Variants in CNOT10 observed in about 807,000 individuals in gnomAD.
CNOT10 encodes CCR4-NOT transcription complex subunit 10, also known as CCR4-NOT transcription complex, subunit 10.
A neutral mutation model predicts 94.6 loss-of-function variants in CNOT10; 30 were observed. The observed-to-expected ratio is 0.32, with a 90% confidence interval of 0.24 to 0.43. CNOT10 has a LOEUF of 0.43. Ranked by LOEUF, CNOT10 falls within the 20% of genes least tolerant of loss-of-function variation. The probability of loss-of-function intolerance (pLI) is 1.00; values close to 1 mark genes in which losing one functional copy is unlikely to be tolerated. For missense variants in CNOT10, 759 were observed against 877.2 expected, an observed-to-expected ratio of 0.87 and a Z score of 1.70; for synonymous variants, 289 against 301.6, an observed-to-expected ratio of 0.96 and a Z score of 0.43.
chr3:32,727,905 C>A, intron 10 of CNOT10, 35 bp downstream of exon 10: 3 of 1,434,190 alleles, frequency 2.1e-6, no homozygotes, highest in Non-Finnish European at 2.9e-6. Flanking sequence ...TAAACCCTGT[C>A]TTCTCCCCAC....
chr3:32,763,536 C>T (rs993251792), intron 15 of CNOT10, among the ~76,000 whole-genome samples: 4 of 151,912 alleles, frequency 2.6e-5, no homozygotes, highest in Admixed American at 2.0e-4. Context: ...TGTAATCTCA[C>T]CTACTCAGGA....
At chr3:32,741,768 C>CAAAAAAAAAAAAAAAAAAAAAAAAA (rs529423159) in intron 13 of CNOT10, among the ~76,000 whole-genome samples, 3 of 86,540 alleles carry the variant, frequency 3.5e-5, no homozygotes, top group East Asian at 3.9e-4. Context: ...GACTCCGTCT[C>CAAAAAAAAAAAAAAAAAAAAAAAAA]AAAAAAAAAA....
At chr3:32,714,390 A>G (rs867844538) in intron 5 of CNOT10, among the ~76,000 whole-genome samples, 8 of 151,102 alleles carry the variant, frequency 5.3e-5, no homozygotes, top group African/African-American at 1.9e-4. Flanking sequence ...GGAAAATTTC[A>G]TCATTAAAGT....
intron 8 of CNOT10, among the ~76,000 whole-genome samples, chr3:32,721,801 C>T (rs1186565459): frequency 2.0e-5 from 3 of 151,670 alleles, no homozygotes; most frequent in South Asian, 2.1e-4. Context: ...CGTCTGCCAC[C>T]GCGCCCGGCT....
intron 13 of CNOT10, among the ~76,000 whole-genome samples, chr3:32,738,746 G>C (rs1160882845): frequency 6.6e-6 from 1 of 152,104 alleles, no homozygotes; most frequent in Non-Finnish European, 1.5e-5. Flanking sequence ...ACAGGCGTGA[G>C]CCACAGCATC....
chr3:32,692,574 C>T (rs187309041), intron 1 of CNOT10, among the ~76,000 whole-genome samples: 268 of 152,256 alleles, frequency 1.8e-3, no homozygotes, highest in Non-Finnish European at 3.4e-3. Flanking sequence ...GAGGTGCTGA[C>T]AGGAACATCT....
chr3:32,723,046 A>C (rs1371654421), intron 8 of CNOT10, among the ~76,000 whole-genome samples: 1 of 152,146 alleles, frequency 6.6e-6, no homozygotes, highest in Admixed American at 6.6e-5. Context: ...CTAGTCAGGC[A>C]TTTTATGTCA....
intron 10 of CNOT10, among the ~76,000 whole-genome samples, chr3:32,729,700 G>A (rs1445983634): frequency 6.8e-6 from 1 of 148,100 alleles, no homozygotes; most frequent in African/African-American, 2.5e-5. Flanking sequence ...CTTTTTAAAA[G>A]ACAACTTTCT....
chr3:32,748,411 T>G (rs1220120275), intron 13 of CNOT10, among the ~76,000 whole-genome samples: 9 of 152,212 alleles, frequency 5.9e-5, no homozygotes, highest in Non-Finnish European at 1.5e-5. Flanking sequence ...ATTCTTTGAT[T>G]TAGATGTGAA....
intron 12 of CNOT10, among the ~76,000 whole-genome samples, chr3:32,736,553 T>C (rs1371061697): frequency 2.6e-5 from 4 of 152,182 alleles, no homozygotes; most frequent in Non-Finnish European, 5.9e-5. Context: ...GGCTGAAGGA[T>C]TGCTTGAAGC....
In CNOT10 at chr3:32,685,398, A is replaced by G. The variant is rs1696552456; in HGVS notation, c.-63A>G. 27 of 1,544,856 alleles carry G rather than the reference A, an allele frequency of 1.7e-5. No homozygotes were observed. In the South Asian group the frequency reaches 3.2e-4, roughly 18 times the overall value. On this transcript the variant is annotated 5_prime_UTR_variant, in exon 1 of 19. Coordinates refer to ENST00000328834, the MANE Select transcript of CNOT10 (RefSeq NM_015442.3). ...TCCTCGGAGGTCCAGGACAGCGGCC[A>G]GCCCGGCGGCGGGAGTCAGGGCCAC...
chr3:32,730,828 T>C (rs1048528832), intron 10 of CNOT10: 1 of 152,234 alleles, frequency 6.6e-6, no homozygotes, highest in African/African-American at 2.4e-5. Context: ...CTGGGCAGTG[T>C]ATAAATATGG....
chr3:32,739,885 G>A (rs562794786), intron 13 of CNOT10, among the ~76,000 whole-genome samples: 17 of 152,128 alleles, frequency 1.1e-4, no homozygotes, highest in South Asian at 8.3e-4. Flanking sequence ...AGACCGCGCC[G>A]TTGCACTCCA....
intron 1 of CNOT10, among the ~76,000 whole-genome samples, chr3:32,691,162 T>A (rs375509179): frequency 0.048 from 6,859 of 142,260 alleles, 191 homozygotes; most frequent in Middle Eastern, 0.077. Flanking sequence ...CAGCCAGCTT[T>A]TTTTTTTTTT....
Position 32,685,197 on chromosome 3 carries a change from C to T in CNOT10, c.-264C>T, listed in dbSNP as rs987052658. ...TGCCGCCCCCGGAAGTAGTGGGTAC[C>T]GGGACGCCGTGAGGCGGAAGCTGTG... On this transcript the variant is annotated 5_prime_UTR_variant, in exon 1 of 19. Transcript: ENST00000328834. The T allele has an allele frequency of 5.1e-6, 2 of 394,376 alleles. No individual in the cohort carries two copies. Among genetic ancestry groups the T allele is most frequent in the Non-Finnish European group, 9.3e-6 (2 of 215,500 alleles). 24.4% of individuals were successfully genotyped at this position (394,376 alleles called of 1,614,324 possible).
intron 13 of CNOT10, among the ~76,000 whole-genome samples, chr3:32,740,488 A>G (rs1699413003): frequency 6.6e-6 from 1 of 152,108 alleles, no homozygotes; most frequent in Admixed American, 6.6e-5. Context: ...CACAGTCAAG[A>G]TATTGACATT....
chr3:32,770,482 C>T (rs1559522786), intron 18 of CNOT10, among the ~76,000 whole-genome samples: 1 of 151,162 alleles, frequency 6.6e-6, no homozygotes, highest in Admixed American at 6.6e-5. Flanking sequence ...CCCGCCACCA[C>T]GCCCACCTAA....
chr3:32,726,321 T>G (rs1315409239), intron 9 of CNOT10, among the ~76,000 whole-genome samples: 2 of 152,188 alleles, frequency 1.3e-5, no homozygotes, highest in Admixed American at 6.5e-5. Flanking sequence ...TTCCTGACAT[T>G]TATCCTTTAA....
intron 13 of CNOT10, among the ~76,000 whole-genome samples, chr3:32,751,460 G>A (rs1399973717): frequency 1.3e-5 from 2 of 151,994 alleles, no homozygotes; most frequent in East Asian, 3.9e-4. Context: ...GCCACAAAAG[G>A]GATAAAAGGA....
Sources: allele counts gnomAD v4.1 joint callset (sites outside exome capture counted in the v4.1 genomes callset), GRCh38; gene constraint gnomAD v4.1.1; transcripts MANE v1.5; gene names NCBI Gene and HGNC (gene_info 2026-07-23, HGNC 2026-07-21).